USH2A: variants seen among roughly 807,000 people sequenced by gnomAD.
USH2A encodes usherin.
Under a neutral mutation model 538.9 loss-of-function variants are expected in USH2A, and 443 were observed. That is an observed-to-expected ratio of 0.82 (90% CI 0.76 to 0.89). USH2A has a LOEUF of 0.89. Ranked by LOEUF, USH2A falls within the 40% of genes least tolerant of loss-of-function variation. The probability of loss-of-function intolerance (pLI) is 0.00; values close to 1 mark genes in which losing one functional copy is unlikely to be tolerated. For synonymous variants in USH2A, 2,413 were observed against 2,273.5 expected, an observed-to-expected ratio of 1.06 and a Z score of -1.75; for missense variants, 6,633 against 6,324.8, an observed-to-expected ratio of 1.05 and a Z score of -1.65.
rs1175502254 is a variant in USH2A at position 215,867,155 on chromosome 1, T to C, written c.8697A>G (p.Glu2899=). The change falls in exon 44 of 72, where the codon GAA becomes GAG. Residue 2899 remains glutamate (E), a synonymous_variant. Transcript: ENST00000307340. ...DKGLSRFTTY[E]YMLFVHNSVG... is the part of the protein sequence containing the mutation. Reference sequence around the variant, plus strand: ...CACTGTTGTGTACGAAGAGCATATATTCATAGGTTGTAAACCTAAAATGTT... The same window carrying C: ...CACTGTTGTGTACGAAGAGCATATACTCATAGGTTGTAAACCTAAAATGTT... 6.2e-6 allele frequency: 10 copies of C among 1,614,096 alleles called. No individual in the cohort carries two copies. The highest frequency in any genetic ancestry group is 7.6e-6 in the Non-Finnish European group (9 of 1,179,980).
chr1:215,772,102 A>G (rs1661309003), intron 55 of USH2A, among the ~76,000 whole-genome samples: 1 of 152,172 alleles, frequency 6.6e-6, no homozygotes, highest in Non-Finnish European at 1.5e-5. Context: ...TTCAACTGGA[A>G]TTTGCTGTCA....
chr1:216,411,348 C>T (rs1477124948), intron 3 of USH2A, among the ~76,000 whole-genome samples: 1 of 152,012 alleles, frequency 6.6e-6, no homozygotes, highest in African/African-American at 2.4e-5. Context: ...GAACTGTGTC[C>T]CATCAAAAGT....
intron 63 of USH2A, 76 bp from the exon 64 acceptor site, chr1:215,671,369 C>A: frequency 2.1e-6 from 3 of 1,426,746 alleles, no homozygotes; most frequent in Admixed American, 2.0e-5. Flanking sequence ...AAACACCAGG[C>A]CTTAAAAAAA....
chr1:215,890,690 C>T (rs957245341), intron 40 of USH2A, among the ~76,000 whole-genome samples: 2 of 152,168 alleles, frequency 1.3e-5, no homozygotes, highest in African/African-American at 4.8e-5. Context: ...CTCTGGTATA[C>T]AGTAGCAGTA....
intron 34 of USH2A, among the ~76,000 whole-genome samples, chr1:215,996,815 T>A (rs1001975769): frequency 6.6e-6 from 1 of 152,066 alleles, no homozygotes; most frequent in Non-Finnish European, 1.5e-5. Context: ...TTTCAGCAGT[T>A]TATAATCCAG....
At chr1:216,366,080 C>T (rs532507382) in intron 3 of USH2A, among the ~76,000 whole-genome samples, 101 of 152,158 alleles carry the variant, frequency 6.6e-4, no homozygotes, top group South Asian at 3.3e-3. Context: ...TTCATCTCTG[C>T]AAATAGTCTT....
At chr1:216,030,651 T>C (rs952004397) in intron 32 of USH2A, among the ~76,000 whole-genome samples, 1 of 147,286 alleles carries the variant, frequency 6.8e-6, no homozygotes, top group Admixed American at 6.9e-5. Context: ...ACGATATATA[T>C]ATATAAATCA....
rs752331878 is a variant in USH2A, at chr1:216,048,541, T to C, written c.6156A>G (p.Pro2052=). The C allele has an allele frequency of 3.7e-6, 6 of 1,613,730 alleles. No individual in the cohort carries two copies. The highest frequency in any genetic ancestry group is 5.1e-6 in the Non-Finnish European group (6 of 1,179,740). ...ESSHALNIST[P]QEAPQEVQPP... is the part of the protein sequence containing the mutation. ...CCTTTGAAATTACTTTACCTTCTTG[T>C]GGAGTAGAGATGTTCAATGCATGTG... The change falls in exon 31 of 72, where the codon CCA becomes CCG. Residue 2052 remains proline (P), a synonymous_variant. Transcript: ENST00000307340.
At chr1:216,326,907 C>A (rs2037743036) in intron 5 of USH2A, among the ~76,000 whole-genome samples, 1 of 152,050 alleles carries the variant, frequency 6.6e-6, no homozygotes, top group Non-Finnish European at 1.5e-5. Flanking sequence ...TACTATTATA[C>A]CATGATATCA....
intron 3 of USH2A, among the ~76,000 whole-genome samples, chr1:216,409,265 C>T (rs868165238): frequency 1.3e-5 from 2 of 152,046 alleles, no homozygotes; most frequent in African/African-American, 4.8e-5. Context: ...ATTCCATGCT[C>T]ATGAATAGGA....
chr1:215,631,885 C>G (rs1172928782), intron 70 of USH2A, among the ~76,000 whole-genome samples: 1 of 152,204 alleles, frequency 6.6e-6, no homozygotes, highest in Non-Finnish European at 1.5e-5. Flanking sequence ...AAGTCTGTCC[C>G]CAGAGGCGGC....
intron 37 of USH2A, among the ~76,000 whole-genome samples, chr1:215,953,785 A>C (rs1666992482): frequency 6.6e-6 from 1 of 151,842 alleles, no homozygotes; most frequent in Non-Finnish European, 1.5e-5. Context: ...CAACCTACAG[A>C]ATGGGAGAAA....
At chr1:215,846,173 G>T in intron 44 of USH2A, 140 bp from the exon 45 acceptor site, 2 of 778,568 alleles carry the variant, frequency 2.6e-6, no homozygotes, top group South Asian at 3.2e-5. Context: ...AAAAGCTTAT[G>T]AGATCTCCTT....
chr1:216,137,841 G>A (rs770374450), intron 21 of USH2A, among the ~76,000 whole-genome samples: 5 of 152,036 alleles, frequency 3.3e-5, no homozygotes, highest in Non-Finnish European at 2.9e-5. Context: ...TTGACACTCA[G>A]TATTAAACAT....
At chr1:216,085,620 G>A (rs1012450318) in intron 24 of USH2A, among the ~76,000 whole-genome samples, 1 of 152,024 alleles carries the variant, frequency 6.6e-6, no homozygotes, top group African/African-American at 2.4e-5. Flanking sequence ...TAATGGAGAT[G>A]TGTCCTCTAC....
Position 215,647,710 on chromosome 1 carries a change from A to C in USH2A, c.14603T>G (p.Val4868Gly). Residue 4868 changes from valine to glycine, a missense_variant, in exon 67 of 72, where the codon GTG becomes GGG. Transcript: ENST00000307340. The stretch of plus-strand genomic sequence containing the variant: ...GAGGGCTGAGTCAGGAGGGCAAGCC[A>C]CGTGGAATTGGAGTTCATAGCTAAA... ...VIHSYELQFH[V>G]ACPPDSALPC... 6.2e-7 allele frequency: 1 copy of C among 1,614,188 alleles called. No homozygotes were observed. The highest frequency in any genetic ancestry group is 8.5e-7 in the Non-Finnish European group (1 of 1,180,030).
intron 11 of USH2A, among the ~76,000 whole-genome samples, chr1:216,271,110 C>T (rs1273360634): frequency 1.3e-5 from 2 of 152,144 alleles, no homozygotes; most frequent in East Asian, 1.9e-4. Flanking sequence ...ACTTGGTACA[C>T]CTCTGTGTCA....
intron 47 of USH2A, among the ~76,000 whole-genome samples, chr1:215,820,146 A>G (rs1422116053): frequency 6.6e-5 from 10 of 151,728 alleles, no homozygotes; most frequent in Non-Finnish European, 1.5e-4. Context: ...TTTGTTCATG[A>G]AATAACTGTT....
chr1:216,401,612 T>C (rs747909246), intron 3 of USH2A, among the ~76,000 whole-genome samples: 6 of 152,214 alleles, frequency 3.9e-5, no homozygotes, highest in Admixed American at 2.0e-4. Flanking sequence ...CAGAAAAATA[T>C]ATCTGCAAAC....
Sources: allele counts gnomAD v4.1 joint callset (sites outside exome capture counted in the v4.1 genomes callset), GRCh38; gene constraint gnomAD v4.1.1; transcripts MANE v1.5; gene names NCBI Gene and HGNC (gene_info 2026-07-23, HGNC 2026-07-21).